The following GLIS3 variants were observed in gnomAD, a reference collection of about 807,000 sequenced individuals.
The protein encoded by GLIS3 is zinc finger protein GLIS3.
A neutral mutation model predicts 78.6 loss-of-function variants in GLIS3; 53 were observed. The ratio of observed to expected loss-of-function variants is 0.67; its 90% CI spans 0.54 to 0.85. GLIS3 has a LOEUF of 0.85. GLIS3 is among the 40% of genes least tolerant of loss of function. GLIS3 has a pLI of 0.00. For synonymous variants in GLIS3, 684 were observed against 509.9 expected (o/e 1.34, Z -4.60); for missense variants, 1,703 against 1,231.1 (o/e 1.38, Z -5.74).
intron 4 of GLIS3, among the ~76,000 whole-genome samples, chr9:3,961,471 G>A (rs540062308): frequency 4.8e-4 from 73 of 152,294 alleles, no homozygotes; most frequent in Non-Finnish European, 9.6e-4. Context: ...AATTAAACAT[G>A]TCATAAATCA....
chr9:3,829,222 C>G, intron 10 of GLIS3, 88 bp downstream of exon 10: 1 of 1,122,654 alleles, frequency 8.9e-7, no homozygotes, highest in Non-Finnish European at 1.4e-6. Flanking sequence ...TGTGCTTGGT[C>G]ACGTCCAGCC....
the GLIS3 span, among the ~76,000 whole-genome samples, chr9:4,421,216 G>C: frequency 6.6e-6 from 1 of 152,146 alleles, no homozygotes; most frequent in Non-Finnish European, 1.5e-5. Flanking sequence ...CATATGACAG[G>C]ACCAGCTTAC....
In GLIS3 at chr9:4,197,768, C is replaced by G. The variant is rs569478549; in HGVS notation, c.389-71827G>C. Among the ~76,000 whole-genome samples, 9 of 152,248 alleles carry G rather than the reference C, an allele frequency of 5.9e-5. No homozygotes were observed. In the South Asian group the frequency reaches 1.0e-3, roughly 18 times the overall value. On this transcript the variant is annotated intron_variant, in intron 2 of 10. Coordinates refer to ENST00000381971, the MANE Select transcript of GLIS3 (RefSeq NM_001042413.2). ...AAGGACACCCAGCCACAAAGGCCAC[C>G]GCCAGCTCTTACTCATCTGCGCCAT... is the stretch of plus-strand genomic sequence containing the variant.
intron 8 of GLIS3, among the ~76,000 whole-genome samples, chr9:3,871,929 CTTCTATGCTCTGTTTCCTTT>C (rs1207588295): frequency 1.3e-5 from 2 of 152,222 alleles, no homozygotes; most frequent in African/African-American, 2.4e-5. Flanking sequence ...ATTTTTCAAA[CTTCTATGCTCTGTTTCCTTT>C]TTAAAACTGA....
At chr9:4,303,337 G>A (rs1489012257), upstream of GLIS3, among the ~76,000 whole-genome samples, 1 of 151,986 alleles carries the variant, frequency 6.6e-6, no homozygotes, top group African/African-American at 2.4e-5. Context: ...GAAAAAGTTA[G>A]TGTTTGCCAA....
chr9:4,011,592 C>T (rs760921961), intron 4 of GLIS3, among the ~76,000 whole-genome samples: 1 of 152,146 alleles, frequency 6.6e-6, no homozygotes, highest in Non-Finnish European at 1.5e-5. Flanking sequence ...GACCTGGCAG[C>T]CCATCTACCT....
intron 6 of GLIS3, among the ~76,000 whole-genome samples, chr9:3,916,625 T>G (rs1824532776): frequency 6.6e-6 from 1 of 152,236 alleles, no homozygotes; most frequent in South Asian, 2.1e-4. Flanking sequence ...GATTTATATT[T>G]CATTTTGAGA....
At chr9:4,260,196 G>A (rs1825377446) in intron 2 of GLIS3, among the ~76,000 whole-genome samples, 1 of 152,180 alleles carries the variant, frequency 6.6e-6, no homozygotes, top group Non-Finnish European at 1.5e-5. Flanking sequence ...ACTTTGGGAG[G>A]CCGAGGCAGG....
chr9:3,929,888 T>C (rs917897823), intron 6 of GLIS3, among the ~76,000 whole-genome samples: 2 of 152,248 alleles, frequency 1.3e-5, no homozygotes, highest in Non-Finnish European at 2.9e-5. Context: ...TTTCTTTTTT[T>C]TAATTGCTGC....
chr9:4,399,916 G>C, the GLIS3 span, among the ~76,000 whole-genome samples: 1 of 152,202 alleles, frequency 6.6e-6, no homozygotes, highest in African/African-American at 2.4e-5. Flanking sequence ...AGGGCCAGAG[G>C]TGAGATACTA....
intron 4 of GLIS3, among the ~76,000 whole-genome samples, chr9:4,110,881 C>T (rs111631213): frequency 5.3e-4 from 80 of 152,324 alleles, no homozygotes; most frequent in African/African-American, 1.4e-3. Flanking sequence ...GAGAATCAGA[C>T]GACCGCTTCT....
intron 4 of GLIS3, among the ~76,000 whole-genome samples, chr9:4,053,324 A>G (rs1825873307): frequency 6.6e-6 from 1 of 152,124 alleles, no homozygotes; most frequent in African/African-American, 2.4e-5. Flanking sequence ...TCTCCTTATC[A>G]TCCAGGCCCA....
At chr9:4,098,009 C>T (rs1486207652) in intron 4 of GLIS3, among the ~76,000 whole-genome samples, 1 of 152,074 alleles carries the variant, frequency 6.6e-6, no homozygotes, top group Admixed American at 6.6e-5. Flanking sequence ...AGAAATAGTT[C>T]ATAACTTTTT....
At chr9:4,318,856 C>A (rs1051031030) in intron 2 of GLIS3, among the ~76,000 whole-genome samples, 2 of 152,144 alleles carry the variant, frequency 1.3e-5, no homozygotes, top group African/African-American at 4.8e-5. Context: ...AGATTACTTG[C>A]TGATTGCAAA....
intron 2 of GLIS3, among the ~76,000 whole-genome samples, chr9:4,337,905 A>G (rs80160951): frequency 0.011 from 1,740 of 152,112 alleles, 30 homozygotes; most frequent in African/African-American, 0.039. Context: ...GTTCAAAGAG[A>G]TGAAAATATT....
At chr9:3,843,539 A>G (rs1421605667) in intron 9 of GLIS3, among the ~76,000 whole-genome samples, 1 of 152,254 alleles carries the variant, frequency 6.6e-6, no homozygotes, top group African/African-American at 2.4e-5. Context: ...TCTGGCTACC[A>G]GGAAGCCTGC....
Position 3,920,635 on chromosome 9 carries a change from G to A in GLIS3, c.1983+11725C>T, listed in dbSNP as rs569679287. Among the ~76,000 whole-genome samples the A allele has an allele frequency of 1.7e-4, 23 of 134,364 alleles. No individual in the cohort carries two copies. The Admixed American group carries it at 1.8e-3, about 10-fold the overall frequency. The allele number at this position is 134,364 out of a possible 152,430, so 88.1% of individuals were successfully genotyped here. ...TTTTTTTTTTTTTTTTTTTAAAGAA[G>A]AGGTGGGGGATCATCTTTGGATCCT... On this transcript the variant is annotated intron_variant, in intron 6 of 10. Coordinates refer to ENST00000381971, the MANE Select transcript of GLIS3 (RefSeq NM_001042413.2).
At chr9:4,320,024 T>TGTGCGC (rs1554658416) in intron 2 of GLIS3, among the ~76,000 whole-genome samples, 3 of 55,374 alleles carry the variant, frequency 5.4e-5, no homozygotes, top group African/African-American at 1.2e-4. Flanking sequence ...TGTGTGTGTG[T>TGTGCGC]GCGCGCGCAC....
chr9:4,361,603 G>A, the GLIS3 span, among the ~76,000 whole-genome samples: 6 of 152,322 alleles, frequency 3.9e-5, no homozygotes, highest in Middle Eastern at 6.8e-3. Context: ...GATAAATCCT[G>A]GAACAGAATC....
Sources: allele counts gnomAD v4.1 joint callset (sites outside exome capture counted in the v4.1 genomes callset), GRCh38; gene constraint gnomAD v4.1.1; transcripts MANE v1.5; gene names NCBI Gene and HGNC (gene_info 2026-07-23, HGNC 2026-07-21).